PLEC: variants seen among roughly 807,000 people sequenced by gnomAD.
PLEC encodes the protein hemidesmosomal protein 1.
In PLEC, 216 loss-of-function variants were observed where a neutral mutation model predicts 392.8. That is an observed-to-expected ratio of 0.55 (90% confidence interval 0.49 to 0.62). The LOEUF (loss-of-function observed/expected upper bound fraction) is 0.62, where lower values mean the gene tolerates loss of function less well. Ranked by LOEUF, PLEC falls within the 20% of genes least tolerant of loss-of-function variation. The pLI is 0.00. For missense variants in PLEC, 6,863 were observed against 6,563.4 expected, an observed-to-expected ratio of 1.05 and a Z score of -1.58; for synonymous variants, 3,621 against 2,980.6, an observed-to-expected ratio of 1.21 and a Z score of -7.00.
chr8:143,933,147 G>A, intron 13 of PLEC, 36 bp from the exon 14 acceptor site: 1 of 1,606,500 alleles, frequency 6.2e-7, no homozygotes, highest in Non-Finnish European at 8.5e-7. Context: ...GTGTTGGCGG[G>A]CCTGGGGCCG....
chr8:143,915,983 GGC>G lies in PLEC; in HGVS notation c.*192_*193del. The G allele has an allele frequency of 2.1e-6, 1 of 476,960 alleles. No homozygotes were observed. The highest frequency in any genetic ancestry group is 3.2e-5 in the South Asian group (1 of 31,606). 29.5% of individuals were successfully genotyped at this position (476,960 alleles called of 1,614,324 possible). ...CCCGAGGGGGTGAGGCGGCCAGCAGGGCTGGGCCAGCCCTGTCCCCCAAGATA... is the reference window on the plus strand; with the variant it reads ...CCCGAGGGGGTGAGGCGGCCAGCAGGTGGGCCAGCCCTGTCCCCCAAGATA... On this transcript the variant is annotated 3_prime_UTR_variant, in exon 32 of 32. Transcript: ENST00000345136.
intron 3 of PLEC, 110 bp downstream of exon 3, chr8:143,938,041 G>A: frequency 1.3e-6 from 1 of 768,918 alleles, no homozygotes; most frequent in Non-Finnish European, 2.2e-6. Flanking sequence ...AGGAGGGGTT[G>A]AGCTGGATTC....
At position 143,924,612 on chromosome 8, in the gene PLEC, T is replaced by TCG; in HGVS notation, c.5315_5316dup (p.Ala1774GlyfsTer145). The TCG allele has an allele frequency of 6.5e-7, 1 of 1,541,928 alleles. No homozygotes were observed. Among genetic ancestry groups the TCG allele is most frequent in the Non-Finnish European group, 8.7e-7 (1 of 1,150,254 alleles). ...GTGGAGCGCGACTCCTCCTCAGCCC[T>TCG]CGCCTTGCTGGCCAGCAGCACCTCC... On this transcript the variant is annotated frameshift_variant, in exon 31 of 32. Transcript: ENST00000345136. LOFTEE classifies it high-confidence loss of function.
chr8:143,932,057 G>GGCCCT (rs538736015), intron 17 of PLEC, 25 bp from the exon 18 acceptor site: 1 of 1,558,686 alleles, frequency 6.4e-7, no homozygotes, highest in African/African-American at 1.4e-5. Context: ...GTCCCGGTCA[G>GGCCCT]GCCCCGCCCC....
In PLEC at chr8:143,933,305, T is replaced by A; in HGVS notation, c.1310A>T (p.Glu437Val). 2 of 1,612,682 alleles carry A rather than the reference T, an allele frequency of 1.2e-6. No individual in the cohort carries two copies. The highest frequency in any genetic ancestry group is 1.7e-6 in the Non-Finnish European group (2 of 1,179,908). The change falls in exon 13 of 32, where the codon GAG becomes GTG. Residue 437 changes from glutamate to valine, a missense_variant. Glu to Val is a moderately radical substitution (Grantham distance 121). Transcript: ENST00000345136. ...AAGKVPQRAG[E>V]VERDLDKADS... ...CGCCTTGTCCAAGTCCCGTTCCACC[T>A]CCCCCGCCCGCTGTGGCACTTTGCC...
At chr8:143,952,701 C>T (rs1161156898), upstream of PLEC, among the ~76,000 whole-genome samples, 1 of 152,160 alleles carries the variant, frequency 6.6e-6, no homozygotes, top group Admixed American at 6.5e-5. Flanking sequence ...ATCCCAAGGC[C>T]TCTTAAAAGC....
Position 143,932,949 on chromosome 8 carries a change from G to A in PLEC, c.1581C>T (p.Asp527=), listed in dbSNP as rs1827830387. 2.5e-6 allele frequency: 4 copies of A among 1,612,548 alleles called. No individual in the cohort carries two copies. The highest frequency in any genetic ancestry group is 1.6e-4 in the Middle Eastern group (1 of 6,078). Residue 527 remains aspartate (D), a synonymous_variant, in exon 14 of 32, where the codon GAC becomes GAT. Coordinates refer to ENST00000345136, the MANE Select transcript of PLEC (RefSeq NM_201384.3). The part of the protein sequence containing the change: ...LEDSTLRYLQ[D]LLAWVEENQH... ...GGTTCTCCTCCACCCAGGCCAGCAG[G>A]TCCTGCAGGTAGCGCAGAGTGGAGT...
chr8:143,938,040 T>C (rs986435222), intron 3 of PLEC, 111 bp downstream of exon 3: 32 of 758,858 alleles, frequency 4.2e-5, no homozygotes, highest in Non-Finnish European at 6.9e-5. Context: ...CAGGAGGGGT[T>C]GAGCTGGATT....
rs1554696343 is a variant in PLEC at position 143,924,239 on chromosome 8, T to C, written c.5690A>G (p.Gln1897Arg). The C allele has an allele frequency of 6.9e-6, 11 of 1,598,310 alleles. No homozygotes were observed. Among genetic ancestry groups the C allele is most frequent in the Non-Finnish European group, 8.5e-6 (10 of 1,179,368 alleles). Residue 1897 changes from glutamine (Q) to arginine (R), a missense_variant, in exon 31 of 32, where the codon CAG (glutamine) becomes CGG (arginine). By Grantham distance (43) the Gln-to-Arg change is conservative. Coordinates refer to ENST00000345136, the MANE Select transcript of PLEC (RefSeq NM_201384.3). ...HKADIEERLA[Q>R]LRKASDSELE... is the part of the protein sequence containing the mutation. The stretch of plus-strand genomic sequence containing the variant: ...CTCGCTGTCCGATGCCTTGCGCAGC[T>C]GGGCCAGGCGCTCCTCGATGTCAGC...
chr8:143,954,713 C>T (rs1196395472), upstream of PLEC, among the ~76,000 whole-genome samples: 1 of 152,210 alleles, frequency 6.6e-6, no homozygotes, highest in African/African-American at 2.4e-5. The surrounding 1 kb of genome is among the most constrained non-coding windows in gnomAD (Gnocchi z 4.6). Flanking sequence ...CTGCCTCACT[C>T]ACTGCGCTGC....
intron 1 of PLEC, among the ~76,000 whole-genome samples, chr8:143,971,291 C>T (rs1378159773): frequency 6.6e-6 from 1 of 152,148 alleles, no homozygotes; most frequent in Non-Finnish European, 1.5e-5. Context: ...GTGCAGGGAT[C>T]AGCTGGGCAG....
In PLEC at chr8:143,920,095, G is replaced by A. The variant is rs536395359; in HGVS notation, c.9726C>T (p.Pro3242=). The A allele has an allele frequency of 6.0e-5, 97 of 1,613,152 alleles. No individual in the cohort carries two copies. The highest frequency in any genetic ancestry group is 1.6e-4 in the Middle Eastern group (1 of 6,062). The change falls in exon 32 of 32, where the codon CCC becomes CCT. Residue 3242 remains proline, a synonymous_variant. Transcript: ENST00000345136. ...ETFEKTPVEV[P]VGGFKGRTVT... ...CCGTCCTGCCCTTGAAGCCACCCAC[G>A]GGGACCTCAACCGGGGTCTTTTCAA...
rs1158744636 is a variant in PLEC at position 143,917,811 on chromosome 8, G to C, written c.12010C>G (p.Leu4004Val). 2 of 1,613,516 alleles carry C rather than the reference G, an allele frequency of 1.2e-6. No individual in the cohort carries two copies. Among genetic ancestry groups the C allele is most frequent in the Non-Finnish European group, 1.7e-6 (2 of 1,180,024 alleles). Reference sequence around the variant, plus strand: ...GTGACGGCGCGCTCGGCCGACAGCAGCTTGTCCTTGAACTCGGGGCCCACA... The same window carrying C: ...GTGACGGCGCGCTCGGCCGACAGCACCTTGTCCTTGAACTCGGGGCCCACA... ...GIVGPEFKDKLLSAERAVTGY... is the reference protein window; with the variant it reads ...GIVGPEFKDKVLSAERAVTGY... Residue 4004 changes from leucine (L) to valine (V), a missense_variant, in exon 32 of 32, where the codon CTG becomes GTG. Coordinates refer to ENST00000345136, the MANE Select transcript of PLEC (RefSeq NM_201384.3).
chr8:143,959,966 G>A (rs1554740335), intron 1 of PLEC, among the ~76,000 whole-genome samples: 1 of 149,320 alleles, frequency 6.7e-6, no homozygotes, highest in Non-Finnish European at 1.5e-5. Context: ...GCGACAGAGT[G>A]AGACTCCGTC....
rs782101660 is a variant in PLEC, at chr8:143,932,546, G to T, written c.1831C>A (p.Arg611Ser). ...TGCAAGCTCTCCAGGGACCTGAGGC[G>T]GGCCTTGGAGGAGTTCTGTGGGCAG... ...YAKLLNSSKA[R>S]LRSLESLHSF... Residue 611 changes from arginine (R) to serine (S), a missense_variant, in exon 16 of 32, where the codon CGC becomes AGC. Transcript: ENST00000345136. 6.2e-7 allele frequency: 1 copy of T among 1,612,528 alleles called. No homozygotes were observed. Among genetic ancestry groups the T allele is most frequent in the South Asian group, 1.1e-5 (1 of 91,088 alleles).
intron 19 of PLEC, among the ~76,000 whole-genome samples, chr8:143,930,850 T>G (rs543855864): frequency 7.9e-5 from 12 of 152,274 alleles, no homozygotes; most frequent in African/African-American, 2.6e-4. Flanking sequence ...CAGAAGGTAC[T>G]GCCTCCTCCC....
In PLEC at chr8:143,917,852, G is replaced by A; in HGVS notation, c.11969C>T (p.Ala3990Val). The A allele has an allele frequency of 6.2e-7, 1 of 1,613,238 alleles. No homozygotes were observed. The highest frequency in any genetic ancestry group is 8.5e-7 in the Non-Finnish European group (1 of 1,180,024). Residue 3990 changes from alanine (A) to valine (V), a missense_variant, in exon 32 of 32, where the codon GCT (alanine) becomes GTT (valine). Physicochemically the swap from Ala to Val is moderately conservative, Grantham distance 64. Transcript: ENST00000345136. ...GGGGCCCACAATGCCCATACGCACA[G>A]CCTCCTCCACCGTCAGCTTCAGTCC... Reference protein sequence around the residue: ...IKGLKLTVEEAVRMGIVGPEF... With the variant: ...IKGLKLTVEEVVRMGIVGPEF...
chr8:143,952,518 C>A (rs1419118687), upstream of PLEC, among the ~76,000 whole-genome samples: 1 of 152,138 alleles, frequency 6.6e-6, no homozygotes, highest in Non-Finnish European at 1.5e-5. Flanking sequence ...AGCCCTGTGC[C>A]CAAAGAAGGC....
At chr8:143,975,286 T>C (rs1554745673), upstream of PLEC, 1 of 1,610,148 alleles carries the variant, frequency 6.2e-7, no homozygotes, top group Non-Finnish European at 8.5e-7. The surrounding 1 kb of genome is among the most constrained non-coding windows in gnomAD (Gnocchi z 9.9). Flanking sequence ...TCCAGGGCAG[T>C]GTGTCCCCAG....
Sources: gnomAD v4.1 joint callset for allele counts (sites outside exome capture counted in the v4.1 genomes callset) on GRCh38, gnomAD v4.1.1 for gene constraint, Gnocchi (gnomAD v3.1) non-coding constraint, MANE v1.5 for transcripts, NCBI Gene and HGNC (gene_info 2026-07-23, HGNC 2026-07-21) for gene names.